Variants in KANSL1 observed in about 807,000 individuals in gnomAD.
KANSL1 encodes MLL1/MLL complex subunit KANSL1.
In KANSL1, 22 loss-of-function variants were observed where a neutral mutation model predicts 103.6. The observed-to-expected ratio is 0.21, with a 90% confidence interval of 0.15 to 0.30. The LOEUF is 0.30. Ranked by LOEUF, KANSL1 falls within the 10% of genes least tolerant of loss-of-function variation. The pLI is 1.00. For synonymous variants in KANSL1, 600 were observed against 527.6 expected (o/e 1.14, Z -1.88); for missense variants, 1,337 against 1,399.8 (o/e 0.96, Z 0.72).
chr17:46,046,528 CAAAAAAAAAAAA>C (rs58711350), intron 7 of KANSL1, among the ~76,000 whole-genome samples: 27 of 33,178 alleles, frequency 8.1e-4, no homozygotes, highest in Admixed American at 5.5e-3. Flanking sequence ...GAGACTCTGT[CAAAAAAAAAAAA>C]AAAAAAAAAA....
chr17:46,058,298 G>T (rs2146560425), intron 6 of KANSL1, among the ~76,000 whole-genome samples: 1 of 152,322 alleles, frequency 6.6e-6, no homozygotes, highest in Admixed American at 6.5e-5. Flanking sequence ...ACACAAGCCT[G>T]AGAGGCTTTT....
intron 2 of KANSL1, among the ~76,000 whole-genome samples, chr17:46,120,621 AAATT>A (rs1370865729): frequency 6.6e-6 from 1 of 152,212 alleles, no homozygotes; most frequent in African/African-American, 2.4e-5. Flanking sequence ...TTAATTTTTT[AAATT>A]AATAGACTAT....
chr17:46,186,365 C>G (rs1401973616), intron 1 of KANSL1, among the ~76,000 whole-genome samples: 1 of 144,118 alleles, frequency 6.9e-6, no homozygotes, highest in Non-Finnish European at 1.5e-5. Context: ...GCCTGGGGCA[C>G]AGAGCGAGAC....
intron 1 of KANSL1, among the ~76,000 whole-genome samples, chr17:46,201,811 G>A (rs565688099): frequency 1.3e-5 from 2 of 152,146 alleles, no homozygotes; most frequent in African/African-American, 2.4e-5. Flanking sequence ...GTTCAAGACC[G>A]GCCTGGGCAA....
At chr17:46,076,269 CG>C (rs1259878059) in intron 4 of KANSL1, among the ~76,000 whole-genome samples, 1 of 151,582 alleles carries the variant, frequency 6.6e-6, no homozygotes, top group Non-Finnish European at 1.5e-5. Context: ...CCGAGGCAGG[CG>C]GATCACTTGA....
At chr17:46,100,893 T>C (rs1264525287) in intron 2 of KANSL1, among the ~76,000 whole-genome samples, 2 of 152,238 alleles carry the variant, frequency 1.3e-5, no homozygotes, top group Admixed American at 1.3e-4. Context: ...TGATTCTGAT[T>C]TCAGTCCCAT....
chr17:46,046,463 G>A (rs537035626), intron 7 of KANSL1, among the ~76,000 whole-genome samples: 7 of 136,026 alleles, frequency 5.1e-5, no homozygotes, highest in Non-Finnish European at 9.2e-5. Flanking sequence ...CTGGGAGGCC[G>A]ATGCTGCAAT....
At chr17:46,091,707 T>C (rs1315220632) in intron 3 of KANSL1, among the ~76,000 whole-genome samples, 1 of 151,500 alleles carries the variant, frequency 6.6e-6, no homozygotes, top group Non-Finnish European at 1.5e-5. Context: ...AGTAGCATGA[T>C]GTACTGGTTT....
chr17:46,206,396 T>C (rs1407611929), intron 1 of KANSL1, among the ~76,000 whole-genome samples: 1 of 152,250 alleles, frequency 6.6e-6, no homozygotes, highest in Non-Finnish European at 1.5e-5. Flanking sequence ...ATTGATTTTA[T>C]GACAAAAATG....
intron 2 of KANSL1, among the ~76,000 whole-genome samples, chr17:46,168,293 T>C (rs1255997422): frequency 6.6e-6 from 1 of 152,264 alleles, no homozygotes; most frequent in Non-Finnish European, 1.5e-5. Context: ...CCCGGTGATC[T>C]TGCTCAACAA....
intron 10 of KANSL1, 102 bp from the exon 11 acceptor site, chr17:46,034,387 G>A: frequency 7.4e-7 from 1 of 1,354,078 alleles, no homozygotes. Context: ...AAGCATCTGG[G>A]TCCTTGGGTT....
At chr17:46,124,236 A>G (rs2043415524) in intron 2 of KANSL1, among the ~76,000 whole-genome samples, 1 of 152,234 alleles carries the variant, frequency 6.6e-6, no homozygotes, top group Admixed American at 6.5e-5. Flanking sequence ...CCGTCTCTAT[A>G]AAATAAAATA....
At chr17:46,165,421 A>G (rs1311537177) in intron 2 of KANSL1, among the ~76,000 whole-genome samples, 2 of 151,926 alleles carry the variant, frequency 1.3e-5, no homozygotes, top group Non-Finnish European at 2.9e-5. Flanking sequence ...TTTAGTAGAG[A>G]CGGCGTTTCA....
chr17:46,050,358 T>C (rs2077669302), intron 7 of KANSL1, 175 bp downstream of exon 7: 2 of 608,594 alleles, frequency 3.3e-6, no homozygotes, highest in South Asian at 4.4e-5. Context: ...TAGTGGCACC[T>C]TCTGGTTTGG....
At chr17:46,165,802 A>G (rs1394027178) in intron 2 of KANSL1, among the ~76,000 whole-genome samples, 2 of 152,100 alleles carry the variant, frequency 1.3e-5, no homozygotes, top group East Asian at 1.9e-4. Context: ...TGAGCCACCA[A>G]GCCAGACCAA....
chr17:46,083,660 G>A (rs930960537), intron 3 of KANSL1, among the ~76,000 whole-genome samples: 1 of 152,156 alleles, frequency 6.6e-6, no homozygotes, highest in Non-Finnish European at 1.5e-5. Flanking sequence ...TCAGCCTCTG[G>A]AGTAGCTGGG....
chr17:46,080,766 G>A (rs2078962489), intron 4 of KANSL1, among the ~76,000 whole-genome samples: 1 of 138,954 alleles, frequency 7.2e-6, no homozygotes, highest in African/African-American at 2.7e-5. Context: ...CAGAAAGCAT[G>A]GATATATTCA....
At chr17:46,212,244 CAG>C (rs2048188874) in intron 1 of KANSL1, among the ~76,000 whole-genome samples, 1 of 149,696 alleles carries the variant, frequency 6.7e-6, no homozygotes, top group African/African-American at 2.5e-5. Context: ...TTTTTTTAGA[CAG>C]AGACTTGCTC....
chr17:46,187,284 C>T (rs2047078913), intron 1 of KANSL1, among the ~76,000 whole-genome samples: 1 of 152,182 alleles, frequency 6.6e-6, no homozygotes, highest in South Asian at 2.1e-4. Context: ...TGAATTTAAC[C>T]AAGTCTAACC....
Sources: allele counts gnomAD v4.1 joint callset (sites outside exome capture counted in the v4.1 genomes callset), GRCh38; gene constraint gnomAD v4.1.1; transcripts MANE v1.5; gene names NCBI Gene and HGNC (gene_info 2026-07-23, HGNC 2026-07-21).